PRDM5: variants seen among roughly 807,000 people sequenced by gnomAD.
PRDM5 encodes the protein PR/SET domain 5.
In PRDM5, 56 loss-of-function variants were observed where a neutral mutation model predicts 81.2. That is an observed-to-expected ratio of 0.69 (90% confidence interval 0.56 to 0.86). PRDM5 has a LOEUF of 0.86. PRDM5 is among the 40% of genes least tolerant of loss of function. PRDM5 has a pLI of 0.00. For missense variants in PRDM5, 697 were observed against 770.1 expected (o/e 0.91, Z 1.12); for synonymous variants, 267 against 256.4 (o/e 1.04, Z -0.39).
chr4:120,901,769 T>C (rs778450444), intron 2 of PRDM5, among the ~76,000 whole-genome samples: 2 of 152,242 alleles, frequency 1.3e-5, no homozygotes, highest in Non-Finnish European at 2.9e-5. Flanking sequence ...TTAGTTTGTA[T>C]CTGGTTCTTT....
chr4:120,859,939 C>T (rs1051907212), intron 2 of PRDM5, among the ~76,000 whole-genome samples: 2 of 152,202 alleles, frequency 1.3e-5, no homozygotes, highest in Non-Finnish European at 2.9e-5. Context: ...ACCCTCCTAA[C>T]ATGGGACAGA....
intron 2 of PRDM5, among the ~76,000 whole-genome samples, chr4:120,876,098 C>T (rs1286907893): frequency 6.6e-6 from 1 of 152,138 alleles, no homozygotes; most frequent in Admixed American, 6.5e-5. Context: ...TCTAGCTGAG[C>T]TACAGAGAAA....
intron 10 of PRDM5, among the ~76,000 whole-genome samples, chr4:120,790,554 T>C (rs751641418): frequency 5.3e-5 from 8 of 152,320 alleles, no homozygotes; most frequent in Non-Finnish European, 8.8e-5. Context: ...TTGAGATTTA[T>C]GTACCATCTA....
chr4:120,761,823 C>T (rs544275242), intron 13 of PRDM5, among the ~76,000 whole-genome samples: 1 of 152,022 alleles, frequency 6.6e-6, no homozygotes, highest in Non-Finnish European at 1.5e-5. Context: ...AGCAGAGGCA[C>T]AGAAATCAAA....
intron 2 of PRDM5, among the ~76,000 whole-genome samples, chr4:120,906,804 G>A (rs1004472079): frequency 6.6e-6 from 1 of 151,924 alleles, no homozygotes; most frequent in Non-Finnish European, 1.5e-5. Context: ...ACTGAGATTT[G>A]TTTCTATACA....
intron 2 of PRDM5, among the ~76,000 whole-genome samples, chr4:120,890,645 C>T (rs776483674): frequency 6.2e-4 from 94 of 152,222 alleles, no homozygotes; most frequent in Middle Eastern, 6.8e-3. Context: ...TTTTTGTTTA[C>T]TTTTTAGTAA....
intron 1 of PRDM5, among the ~76,000 whole-genome samples, chr4:120,912,262 G>GT (rs1213444408): frequency 6.6e-6 from 1 of 152,194 alleles, no homozygotes; most frequent in Non-Finnish European, 1.5e-5. Flanking sequence ...GTTGGCATCA[G>GT]TAACAGTGGG....
chr4:120,703,014 A>G (rs1329226801), intron 15 of PRDM5, among the ~76,000 whole-genome samples: 2 of 151,950 alleles, frequency 1.3e-5, no homozygotes, highest in Non-Finnish European at 2.9e-5. Context: ...CCCCATGCCC[A>G]TTCCCAGCCT....
At chr4:120,756,098 A>G (rs1441418842) in intron 13 of PRDM5, among the ~76,000 whole-genome samples, 1 of 152,146 alleles carries the variant, frequency 6.6e-6, no homozygotes, top group African/African-American at 2.4e-5. Flanking sequence ...TGACTCTGGG[A>G]AGGTGTGGCT....
intron 10 of PRDM5, among the ~76,000 whole-genome samples, chr4:120,793,063 C>T (rs1189208769): frequency 6.6e-6 from 1 of 152,184 alleles, no homozygotes; most frequent in African/African-American, 2.4e-5. Context: ...ACAATATCAG[C>T]CCGTAGCCTG....
chr4:120,801,872 T>G (rs1410619370), intron 8 of PRDM5, among the ~76,000 whole-genome samples: 1 of 139,140 alleles, frequency 7.2e-6, no homozygotes, highest in African/African-American at 2.5e-5. Flanking sequence ...AACTCTATGT[T>G]TCTGTAATAT....
intron 1 of PRDM5, among the ~76,000 whole-genome samples, chr4:120,910,650 A>G (rs1766400518): frequency 6.6e-6 from 1 of 152,218 alleles, no homozygotes; most frequent in Admixed American, 6.5e-5. Context: ...CCCCATACAT[A>G]TATAATTCTT....
chr4:120,744,548 A>T (rs1271326318), intron 14 of PRDM5, among the ~76,000 whole-genome samples: 11 of 152,058 alleles, frequency 7.2e-5, no homozygotes, highest in Non-Finnish European at 1.3e-4. Flanking sequence ...ACTAATAAAG[A>T]AAAAAAGAGA....
chr4:120,913,437 T>C (rs1766742624), intron 1 of PRDM5, among the ~76,000 whole-genome samples: 1 of 152,226 alleles, frequency 6.6e-6, no homozygotes, highest in South Asian at 2.1e-4. Flanking sequence ...GTTGTCTCTC[T>C]TACTCCAGTT....
At chr4:120,846,831 T>C (rs1758703583) in intron 3 of PRDM5, among the ~76,000 whole-genome samples, 1 of 152,206 alleles carries the variant, frequency 6.6e-6, no homozygotes, top group Non-Finnish European at 1.5e-5. Flanking sequence ...TTTTTAGTCA[T>C]AGTATCTCCA....
chr4:120,794,514 A>AACACACACACAC (rs70948364), intron 10 of PRDM5, among the ~76,000 whole-genome samples: 3 of 143,614 alleles, frequency 2.1e-5, no homozygotes, highest in African/African-American at 7.8e-5. Context: ...TCCAAAATCT[A>AACACACACACAC]ACACACACAC....
chr4:120,852,602 G>T (rs556694985), intron 3 of PRDM5, among the ~76,000 whole-genome samples: 6 of 152,006 alleles, frequency 3.9e-5, no homozygotes, highest in Admixed American at 3.9e-4. Flanking sequence ...CAGCAATGTA[G>T]ATTTTAAACT....
intron 2 of PRDM5, among the ~76,000 whole-genome samples, chr4:120,884,406 C>G (rs1465689464): frequency 6.7e-6 from 1 of 148,388 alleles, no homozygotes; most frequent in Non-Finnish European, 1.5e-5. Flanking sequence ...CTTGCTTTAA[C>G]CCCTAAAAAT....
In PRDM5 at chr4:120,747,167, A is replaced by G. The variant is rs1048422968; in HGVS notation, c.1623+7386T>C. Among the ~76,000 whole-genome samples the G allele has an allele frequency of 1.5e-4, 23 of 150,902 alleles. 1 individual carries two copies. The highest frequency in any genetic ancestry group is 8.6e-4 in the Admixed American group (13 of 15,132). ...GATGAAATTGGAAACCATCATTCTCAGTAAACTATCGCAAGAACAAAAAAC... is the reference window on the plus strand; with the variant it reads ...GATGAAATTGGAAACCATCATTCTCGGTAAACTATCGCAAGAACAAAAAAC... On this transcript the variant is annotated intron_variant, in intron 14 of 15. Coordinates refer to ENST00000264808, the MANE Select transcript of PRDM5 (RefSeq NM_018699.4).
Sources: gnomAD v4.1 joint callset for allele counts (sites outside exome capture counted in the v4.1 genomes callset) on GRCh38, gnomAD v4.1.1 for gene constraint, MANE v1.5 for transcripts, NCBI Gene and HGNC (gene_info 2026-07-23, HGNC 2026-07-21) for gene names.